UMAD1: variants seen among roughly 807,000 people sequenced by gnomAD.
The protein encoded by UMAD1 is UBAP1-MVB12-associated (UMA) domain containing 1.
A neutral mutation model predicts 6.1 loss-of-function variants in UMAD1; 8 were observed. The ratio of observed to expected loss-of-function variants is 1.30; its 90% confidence interval spans 0.76 to 2.35. The LOEUF is 2.35. Among genes scored for constraint, UMAD1 ranks in the 30% most tolerant of loss-of-function variants. The pLI, the probability that UMAD1 is intolerant of heterozygous loss-of-function variation, is 0.00. For missense variants in UMAD1, 130 were observed against 78.4 expected (o/e 1.66, Z -2.49); for synonymous variants, 56 against 31.4 (o/e 1.78, Z -2.61).
At chr7:7,727,273 T>A (rs1268755996) in intron 2 of UMAD1, among the ~76,000 whole-genome samples, 1 of 152,218 alleles carries the variant, frequency 6.6e-6, no homozygotes, top group East Asian at 1.9e-4. Flanking sequence ...TCATTTTCCT[T>A]TTTACTTTAT....
intron 2 of UMAD1, among the ~76,000 whole-genome samples, chr7:7,793,809 A>G (rs1409219933): frequency 2.6e-5 from 4 of 152,358 alleles, no homozygotes; most frequent in East Asian, 3.9e-4. Flanking sequence ...AGTCAGATGA[A>G]AAGAATATAT....
chr7:7,681,020 GA>G (rs1384279982), intron 2 of UMAD1, among the ~76,000 whole-genome samples: 2 of 151,962 alleles, frequency 1.3e-5, no homozygotes, highest in African/African-American at 4.8e-5. Context: ...GTACATTACA[GA>G]AAAATAAATA....
chr7:7,768,541 C>T (rs926526692), intron 2 of UMAD1, among the ~76,000 whole-genome samples: 3 of 152,138 alleles, frequency 2.0e-5, no homozygotes, highest in Admixed American at 2.0e-4. Context: ...GATTAAACTG[C>T]CATCAGCTTC....
intron 2 of UMAD1, among the ~76,000 whole-genome samples, chr7:7,787,456 A>C (rs1782482415): frequency 2.0e-5 from 3 of 152,234 alleles, no homozygotes; most frequent in Admixed American, 6.5e-5. Context: ...AGGTGTTTAA[A>C]ATTAATCAAA....
At chr7:7,651,911 C>T (rs1287747127) in intron 1 of UMAD1, among the ~76,000 whole-genome samples, 1 of 152,110 alleles carries the variant, frequency 6.6e-6, no homozygotes, top group Non-Finnish European at 1.5e-5. Flanking sequence ...TTTACAGAGT[C>T]CTCCTTGGGC....
chr7:7,718,967 C>T (rs1029306096), intron 2 of UMAD1, among the ~76,000 whole-genome samples: 1 of 151,898 alleles, frequency 6.6e-6, no homozygotes, highest in Non-Finnish European at 1.5e-5. Flanking sequence ...CAATTAATTT[C>T]CTTAGAATTT....
chr7:7,812,554 TTA>T (rs1489729556), intron 3 of UMAD1, among the ~76,000 whole-genome samples: 3 of 152,166 alleles, frequency 2.0e-5, no homozygotes, highest in Non-Finnish European at 4.4e-5. Context: ...CATGTGTTAA[TTA>T]TATATATTTA....
At chr7:7,745,681 T>C (rs1364352048) in intron 2 of UMAD1, among the ~76,000 whole-genome samples, 2 of 152,212 alleles carry the variant, frequency 1.3e-5, no homozygotes, top group Admixed American at 1.3e-4. Context: ...AGATTTATGA[T>C]ATTAACTTGC....
At chr7:7,836,937 G>A in intron 3 of UMAD1, among the ~76,000 whole-genome samples, 1 of 144,654 alleles carries the variant, frequency 6.9e-6, no homozygotes. Context: ...TTAGGAGCTA[G>A]GAATTTTCCA....
intron 2 of UMAD1, among the ~76,000 whole-genome samples, chr7:7,695,717 T>C (rs1045815197): frequency 6.6e-6 from 1 of 152,228 alleles, no homozygotes; most frequent in Non-Finnish European, 1.5e-5. Flanking sequence ...CAACAACTTG[T>C]GTCCTATGTA....
At chr7:7,717,756 A>G (rs1172823120) in intron 2 of UMAD1, among the ~76,000 whole-genome samples, 1 of 152,216 alleles carries the variant, frequency 6.6e-6, no homozygotes, top group Non-Finnish European at 1.5e-5. Flanking sequence ...TGTATAGTTC[A>G]GGAACTCTGG....
chr7:7,666,107 T>G (rs1779446919), intron 1 of UMAD1, among the ~76,000 whole-genome samples: 1 of 152,218 alleles, frequency 6.6e-6, no homozygotes. Flanking sequence ...CTGTACCATA[T>G]TACCCTTCTA....
At chr7:7,664,224 A>T (rs2108000) in intron 1 of UMAD1, among the ~76,000 whole-genome samples, 11 of 151,948 alleles carry the variant, frequency 7.2e-5, no homozygotes, top group Admixed American at 2.6e-4. Context: ...TTTCTTATTC[A>T]TAATACCACT....
chr7:7,747,494 A>C (rs149379442), intron 2 of UMAD1, among the ~76,000 whole-genome samples: 1 of 152,342 alleles, frequency 6.6e-6, no homozygotes, highest in African/African-American at 2.4e-5. Context: ...GTAGTAGAGG[A>C]TGGCTCTCTT....
intron 2 of UMAD1, among the ~76,000 whole-genome samples, chr7:7,720,928 G>A (rs1402661448): frequency 2.0e-5 from 3 of 152,162 alleles, no homozygotes; most frequent in Non-Finnish European, 4.4e-5. Flanking sequence ...ATCAAGTTAA[G>A]ATGAGGTCAT....
intron 3 of UMAD1, among the ~76,000 whole-genome samples, chr7:7,811,965 A>T (rs928469562): frequency 6.6e-6 from 1 of 152,172 alleles, no homozygotes; most frequent in African/African-American, 2.4e-5. Context: ...CAGGTTGTTT[A>T]CCCAGAACAC....
At chr7:7,781,511 A>G (rs78468065) in intron 2 of UMAD1, among the ~76,000 whole-genome samples, 12,678 of 152,110 alleles carry the variant, frequency 0.083, 712 homozygotes, top group Non-Finnish European at 0.12. Context: ...AATCCTATCC[A>G]GAAATGATTC....
chr7:7,776,384 A>C (rs1782208019), intron 2 of UMAD1, among the ~76,000 whole-genome samples: 1 of 152,224 alleles, frequency 6.6e-6, no homozygotes. Context: ...AAAATATTGC[A>C]TACTTTGTAA....
intron 3 of UMAD1, among the ~76,000 whole-genome samples, chr7:7,855,929 C>G (rs961309271): frequency 2.6e-5 from 4 of 152,218 alleles, no homozygotes; most frequent in African/African-American, 9.7e-5. Flanking sequence ...GGACAAAATG[C>G]TGCCAGTCTC....
Sources: gnomAD v4.1 joint callset for allele counts (sites outside exome capture counted in the v4.1 genomes callset) on GRCh38, gnomAD v4.1.1 for gene constraint, MANE v1.5 for transcripts, NCBI Gene and HGNC (gene_info 2026-07-23, HGNC 2026-07-21) for gene names.